Variants in PLXNA1 observed in about 807,000 individuals in gnomAD.
PLXNA1 encodes the protein plexin-A1.
PLXNA1 carries 77 observed loss-of-function variants against 191.7 expected under a neutral mutation model. That is an observed-to-expected ratio of 0.40 (90% CI 0.33 to 0.49). PLXNA1 has a LOEUF of 0.49. Ranked by LOEUF, PLXNA1 falls within the 20% of genes least tolerant of loss-of-function variation. The probability of loss-of-function intolerance (pLI) is 0.63; values close to 1 mark genes in which losing one functional copy is unlikely to be tolerated. For missense variants in PLXNA1, 2,110 were observed against 2,660.2 expected, an observed-to-expected ratio of 0.79 and a Z score of 4.55; for synonymous variants, 1,137 against 1,156.4, an observed-to-expected ratio of 0.98 and a Z score of 0.34.
At chr3:126,987,483 G>T (rs1012889796) in intron 1 of PLXNA1, among the ~76,000 whole-genome samples, 2 of 152,186 alleles carry the variant, frequency 1.3e-5, no homozygotes, top group African/African-American at 4.8e-5. Flanking sequence ...ATTTTGTGGA[G>T]TTTGGGGTGG....
intron 23 of PLXNA1, 147 bp from the exon 24 acceptor site, chr3:127,027,793 A>G (rs191098526): frequency 9.7e-7 from 1 of 1,032,762 alleles, no homozygotes; most frequent in African/African-American, 1.6e-5. Context: ...CTTTGGGACT[A>G]AGGCTGTACT....
At chr3:127,012,958 T>G (rs2079103036) in intron 10 of PLXNA1, among the ~76,000 whole-genome samples, 1 of 152,192 alleles carries the variant, frequency 6.6e-6, no homozygotes, top group Non-Finnish European at 1.5e-5. Context: ...TGTGGGGCAC[T>G]GGGCTGTCGA....
In PLXNA1 at chr3:127,014,312, A is replaced by G. The variant is rs1330540023; in HGVS notation, c.2541A>G (p.Thr847=). ...TGCGACACCACTGCGCTGCCGACAC[A>G]CCTGCATCGTGGATGCACGCGCGTC... ...CSLRHHCAAD[T]PASWMHARHG... The change falls in exon 12 of 32, where the codon ACA becomes ACG. Residue 847 remains threonine, a synonymous_variant. Coordinates refer to ENST00000393409, the MANE Select transcript of PLXNA1 (RefSeq NM_032242.4). 22 of 1,596,994 alleles carry G rather than the reference A, an allele frequency of 1.4e-5. No homozygotes were observed. The highest frequency in any genetic ancestry group is 2.7e-5 in the African/African-American group (2 of 74,728).
intron 23 of PLXNA1, chr3:127,027,430 C>G: frequency 2.8e-6 from 1 of 358,136 alleles, no homozygotes; most frequent in South Asian, 2.1e-5. Context: ...AATATGGGGG[C>G]CCAGCTGGGT....
chr3:126,991,700 TG>T, intron 3 of PLXNA1, 134 bp downstream of exon 3: 1 of 993,150 alleles, frequency 1.0e-6, no homozygotes. Context: ...GCAGGGGGAA[TG>T]TTGCCCTACA....
rs547064732 is a variant in PLXNA1, at chr3:127,022,077, T to A, written c.4039-8T>A. 13 of 1,608,770 alleles carry A rather than the reference T, an allele frequency of 8.1e-6. No homozygotes were observed. In the Admixed American group the frequency reaches 2.2e-4, roughly 27 times the overall value. ...TCTCTGTGGTCTGAGCTCTGTGTGC[T>A]CCCTCAGGTGCAGGCCAATGTGGAG... On this transcript the variant is annotated splice_region_variant and splice_polypyrimidine_tract_variant and intron_variant, in intron 21 of 31. Coordinates refer to ENST00000393409, the MANE Select transcript of PLXNA1 (RefSeq NM_032242.4).
chr3:127,003,582 C>T, intron 4 of PLXNA1, 112 bp downstream of exon 4: 1 of 1,259,540 alleles, frequency 7.9e-7, no homozygotes, highest in Non-Finnish European at 1.1e-6. Flanking sequence ...GCGTCCATGG[C>T]TCCTGGTAAA....
intron 24 of PLXNA1, 37 bp downstream of exon 24, chr3:127,028,123 G>A: frequency 6.2e-7 from 1 of 1,613,404 alleles, no homozygotes; most frequent in Non-Finnish European, 8.5e-7. Flanking sequence ...GTGCCCTGGT[G>A]CCCCCCACCC....
chr3:126,995,977 G>A (rs528837976), intron 3 of PLXNA1, among the ~76,000 whole-genome samples: 12 of 152,298 alleles, frequency 7.9e-5, no homozygotes, highest in Non-Finnish European at 1.0e-4. Context: ...CCCTGTGTGC[G>A]TCCTGGCCTG....
Position 126,988,624 on chromosome 3 carries a change from C to A in PLXNA1, c.31C>A (p.Leu11Ile). The A allele has an allele frequency of 6.4e-7, 1 of 1,569,174 alleles. No homozygotes were observed. The highest frequency in any genetic ancestry group is 1.8e-5 in the Admixed American group (1 of 55,424). MPLPPRSLQV[L>I]LLLLLLLLLL... ...GCTGCCACCGCGGAGCCTGCAGGTG[C>A]TCCTGCTGCTGCTGCTGTTGCTGCT... Residue 11 changes from leucine (L) to isoleucine (I), a missense_variant, in exon 2 of 32, where the codon CTC becomes ATC. By Grantham distance (5) the Leu-to-Ile change is conservative. Coordinates refer to ENST00000393409, the MANE Select transcript of PLXNA1 (RefSeq NM_032242.4).
At chr3:127,030,168 C>A in intron 28 of PLXNA1, 75 bp from the exon 29 acceptor site, 1 of 1,590,062 alleles carries the variant, frequency 6.3e-7, no homozygotes, top group Non-Finnish European at 8.6e-7. Context: ...CCCATGGCCA[C>A]TTGCCTAGTC....
chr3:127,028,036 T>G lies in PLXNA1; in HGVS notation c.4459T>G (p.Ser1487Ala). 1 of 1,614,034 alleles carries G rather than the reference T, an allele frequency of 6.2e-7. No homozygotes were observed. Among genetic ancestry groups the G allele is most frequent in the Non-Finnish European group, 8.5e-7 (1 of 1,179,996 alleles). The change falls in exon 24 of 32, where the codon TCC becomes GCC. Residue 1487 changes from serine (S) to alanine (A), a missense_variant. This residue lies in a region of PLXNA1 where 559 missense variants were observed against 911.5 expected (regional missense o/e 0.61). Transcript: ENST00000393409. Reference protein sequence around the residue: ...IDAITGEARYSLSEDKLIRQQ... With the variant: ...IDAITGEARYALSEDKLIRQQ... Reference sequence around the variant, plus strand: ...CGCCATCACGGGTGAGGCACGCTACTCCCTGAGTGAGGACAAGCTCATCCG... The same window carrying G: ...CGCCATCACGGGTGAGGCACGCTACGCCCTGAGTGAGGACAAGCTCATCCG...
chr3:127,019,852 G>A (rs1576686195), intron 20 of PLXNA1, among the ~76,000 whole-genome samples: 1 of 152,152 alleles, frequency 6.6e-6, no homozygotes. Context: ...CTCACCCCTG[G>A]CCGCACTCCA....
At chr3:126,996,311 C>T (rs978495837) in intron 3 of PLXNA1, among the ~76,000 whole-genome samples, 18 of 152,190 alleles carry the variant, frequency 1.2e-4, no homozygotes, top group Admixed American at 1.1e-3. Context: ...GGACAAGGAA[C>T]ACCTGCCCCC....
chr3:127,014,012 C>G lies in PLXNA1; in HGVS notation c.2314-8C>G. The G allele has an allele frequency of 6.2e-7, 1 of 1,613,052 alleles. No homozygotes were observed. The highest frequency in any genetic ancestry group is 1.1e-5 in the South Asian group (1 of 91,068). On this transcript the variant is annotated splice_region_variant and splice_polypyrimidine_tract_variant and intron_variant, in intron 10 of 31. Transcript: ENST00000393409. ...GCTGGGAAGCCTGACGGTGCCATCA[C>G]CTAACAGTACTCCTACGAGGGGAAC...
At chr3:127,025,105 G>A (rs1404932068) in intron 23 of PLXNA1, among the ~76,000 whole-genome samples, 1 of 152,050 alleles carries the variant, frequency 6.6e-6, no homozygotes. Context: ...TTCTGTGCGG[G>A]CTCACTCTTG....
rs778919255 is a variant in PLXNA1 at position 127,029,935 on chromosome 3, G to A, written c.4932G>A (p.Thr1644=). The A allele has an allele frequency of 1.1e-4, 174 of 1,613,412 alleles. No individual in the cohort carries two copies. Among genetic ancestry groups the A allele is most frequent in the East Asian group, 1.8e-4 (8 of 44,882 alleles). Residue 1644 remains threonine, a synonymous_variant, in exon 28 of 32, where the codon ACG becomes ACA. Transcript: ENST00000393409. ...DSLRSRTPMI[T]PDLESGTKLW... ...TGCGCTCGCGCACGCCCATGATCAC[G>A]CCCGACCTGGAGAGCGGCACCAAGC...
Position 127,014,178 on chromosome 3 carries a change from A to G in PLXNA1, c.2411-4A>G, listed in dbSNP as rs369302711. On this transcript the variant is annotated splice_region_variant and splice_polypyrimidine_tract_variant and intron_variant, in intron 11 of 31. Transcript: ENST00000393409. ...GCCCGAGCTGACCGCACCCCTCCCC[A>G]CAGCGCACCTCTACAAGTGCCCGGC... 8 of 1,611,004 alleles carry G rather than the reference A, an allele frequency of 5.0e-6. No individual in the cohort carries two copies. In the African/African-American group the frequency reaches 1.1e-4, roughly 22 times the overall value.
intron 8 of PLXNA1, among the ~76,000 whole-genome samples, chr3:127,007,258 G>A (rs1017017114): frequency 1.3e-5 from 2 of 152,292 alleles, no homozygotes; most frequent in Middle Eastern, 3.4e-3. Context: ...TGGGCAGAGC[G>A]CCTACAGTGG....
Sources: allele counts gnomAD v4.1 joint callset (sites outside exome capture counted in the v4.1 genomes callset), GRCh38; gene constraint gnomAD v4.1.1; regional missense constraint gnomAD v4.1.1; transcripts MANE v1.5; gene names NCBI Gene and HGNC (gene_info 2026-07-23, HGNC 2026-07-21).